SH3PXD2A: variants seen among roughly 807,000 people sequenced by gnomAD.
SH3PXD2A encodes the protein SH3 and PX domain-containing protein 2A.
A neutral mutation model predicts 115.2 loss-of-function variants in SH3PXD2A; 32 were observed. The observed-to-expected ratio is 0.28, with a 90% CI of 0.21 to 0.37. The LOEUF (loss-of-function observed/expected upper bound fraction) is 0.37, where lower values mean the gene tolerates loss of function less well. Ranked by LOEUF, SH3PXD2A falls within the 10% of genes least tolerant of loss-of-function variation. The pLI is 1.00. For missense variants in SH3PXD2A, 1,328 were observed against 1,498.7 expected, an observed-to-expected ratio of 0.89 and a Z score of 1.88; for synonymous variants, 610 against 629.1, an observed-to-expected ratio of 0.97 and a Z score of 0.45.
intron 3 of SH3PXD2A, among the ~76,000 whole-genome samples, chr10:103,757,861 G>A (rs1008147642): frequency 3.3e-5 from 5 of 152,212 alleles, no homozygotes; most frequent in South Asian, 2.1e-4. Context: ...ACTGCAGGAA[G>A]TGAGGCTGTG....
At chr10:103,842,614 C>T (rs1196710451) in intron 1 of SH3PXD2A, among the ~76,000 whole-genome samples, 1 of 152,228 alleles carries the variant, frequency 6.6e-6, no homozygotes, top group Non-Finnish European at 1.5e-5. Context: ...CTCTTTTTAG[C>T]TCTCACCTAT....
At chr10:103,787,240 T>C (rs1476622489) in intron 2 of SH3PXD2A, among the ~76,000 whole-genome samples, 1 of 152,200 alleles carries the variant, frequency 6.6e-6, no homozygotes, top group Admixed American at 6.5e-5. Context: ...CACAGGCCCA[T>C]GGCTCCAGCC....
chr10:103,819,779 G>A (rs1467485206), intron 1 of SH3PXD2A, among the ~76,000 whole-genome samples: 1 of 152,072 alleles, frequency 6.6e-6, no homozygotes, highest in African/African-American at 2.4e-5. Context: ...GGACGATGAA[G>A]CAGGCTTGGC....
chr10:103,728,127 G>GCCTCAGAGCCTCAGGA (rs921468279), intron 4 of SH3PXD2A, among the ~76,000 whole-genome samples: 1 of 152,230 alleles, frequency 6.6e-6, no homozygotes, highest in African/African-American at 2.4e-5. Flanking sequence ...GAGCCTCAGG[G>GCCTCAGAGCCTCAGGA]CCTCAGAGCC....
chr10:103,614,046 C>T (rs2133933356), intron 11 of SH3PXD2A, among the ~76,000 whole-genome samples: 1 of 152,104 alleles, frequency 6.6e-6, no homozygotes, highest in East Asian at 1.9e-4. Context: ...CGTTTAAGGC[C>T]AGCCTGGGCT....
chr10:103,672,698 C>G (rs918507717), intron 6 of SH3PXD2A, among the ~76,000 whole-genome samples: 3 of 152,220 alleles, frequency 2.0e-5, no homozygotes, highest in Admixed American at 6.5e-5. Flanking sequence ...ACCTGCCCTG[C>G]CTTCTTTGCA....
At chr10:103,770,906 C>T (rs569524723) in intron 2 of SH3PXD2A, among the ~76,000 whole-genome samples, 1 of 152,320 alleles carries the variant, frequency 6.6e-6, no homozygotes, top group Admixed American at 6.5e-5. Context: ...AATAACAATG[C>T]ATTTCTTTTT....
chr10:103,772,091 G>A (rs1021941021), intron 2 of SH3PXD2A, among the ~76,000 whole-genome samples: 3 of 152,234 alleles, frequency 2.0e-5, no homozygotes. Flanking sequence ...TCTGGGCTCA[G>A]ACTCCAGAGC....
intron 5 of SH3PXD2A, among the ~76,000 whole-genome samples, chr10:103,697,488 C>A (rs2037838639): frequency 6.6e-6 from 1 of 152,164 alleles, no homozygotes; most frequent in African/African-American, 2.4e-5. Context: ...TCCAGCCCCA[C>A]TTTCAGAGTT....
intron 2 of SH3PXD2A, among the ~76,000 whole-genome samples, chr10:103,771,159 G>A (rs746227797): frequency 2.0e-5 from 3 of 152,156 alleles, no homozygotes; most frequent in Admixed American, 6.5e-5. Context: ...AAGGTGACCC[G>A]CTATTCCACC....
At chr10:103,676,162 T>C (rs1358556095) in intron 6 of SH3PXD2A, among the ~76,000 whole-genome samples, 2 of 152,134 alleles carry the variant, frequency 1.3e-5, no homozygotes, top group African/African-American at 4.8e-5. Context: ...TCATGGGGGA[T>C]GTCATTTTCT....
At chr10:103,781,717 T>C (rs1176057276) in intron 2 of SH3PXD2A, among the ~76,000 whole-genome samples, 1 of 152,160 alleles carries the variant, frequency 6.6e-6, no homozygotes, top group Non-Finnish European at 1.5e-5. Flanking sequence ...CCCACAGCTG[T>C]ATCTATCAAA....
At chr10:103,655,907 C>T (rs1284905033) in intron 8 of SH3PXD2A, among the ~76,000 whole-genome samples, 1 of 150,930 alleles carries the variant, frequency 6.6e-6, no homozygotes, top group Non-Finnish European at 1.5e-5. Context: ...GATGTATACA[C>T]AATTAGCACA....
At position 103,596,989 on chromosome 10, in the gene SH3PXD2A, A is replaced by G. The variant is rs2036145987; in HGVS notation, c.*4827T>C. On this transcript the variant is annotated 3_prime_UTR_variant, in exon 15 of 15. Coordinates refer to ENST00000369774, the MANE Select transcript of SH3PXD2A (RefSeq NM_001394015.1). ...GCTCTGAGGCTCCAACCCAGAGGAA[A>G]CTTCCCATTCTGTTGCTTTCTCTAC... is the stretch of plus-strand genomic sequence containing the variant. 1 of 152,596 alleles carries G rather than the reference A, an allele frequency of 6.6e-6. No individual in the cohort carries two copies. The highest frequency in any genetic ancestry group is 1.5e-5 in the Non-Finnish European group (1 of 68,048). 9.5% of individuals were successfully genotyped at this position (152,596 alleles called of 1,614,324 possible).
At chr10:103,650,314 G>A (rs929742198) in intron 8 of SH3PXD2A, among the ~76,000 whole-genome samples, 11 of 152,198 alleles carry the variant, frequency 7.2e-5, no homozygotes, top group Non-Finnish European at 1.5e-4. Context: ...CCACAGATGT[G>A]CCACAGCCCT....
rs984514262 is a variant in SH3PXD2A, at chr10:103,613,167, G to A, written c.944C>T (p.Ala315Val). ...GGCCTTCTTCAGGTAGGATGCTGGC[G>A]CCCAGCCCTCTTTGCCCAGGTATCT... ...YIRYLGKEGWAPASYLKKAKD... is the reference protein window; with the variant it reads ...YIRYLGKEGWVPASYLKKAKD... Residue 315 changes from alanine (A) to valine (V), a missense_variant, in exon 12 of 15, where the codon GCG (alanine) becomes GTG (valine). Coordinates refer to ENST00000369774, the MANE Select transcript of SH3PXD2A (RefSeq NM_001394015.1). 1.2e-6 allele frequency: 2 copies of A among 1,604,936 alleles called. No individual in the cohort carries two copies. Among genetic ancestry groups the A allele is most frequent in the South Asian group, 1.1e-5 (1 of 89,358 alleles).
At chr10:103,836,682 T>TAC (rs55855121) in intron 1 of SH3PXD2A, among the ~76,000 whole-genome samples, 10,956 of 148,788 alleles carry the variant, frequency 0.074, 1,195 homozygotes, top group African/African-American at 0.24. Flanking sequence ...CACAGACATG[T>TAC]ACACACACAC....
At chr10:103,777,898 G>T (rs367975470) in intron 2 of SH3PXD2A, among the ~76,000 whole-genome samples, 3 of 152,162 alleles carry the variant, frequency 2.0e-5, no homozygotes, top group South Asian at 4.1e-4. Context: ...CGTGTTGTGA[G>T]GATCCAAGGA....
intron 3 of SH3PXD2A, among the ~76,000 whole-genome samples, chr10:103,737,089 T>C (rs1357330457): frequency 6.6e-6 from 1 of 152,204 alleles, no homozygotes; most frequent in Non-Finnish European, 1.5e-5. Flanking sequence ...GAAGGGTGGC[T>C]AGCACAAGAC....
Sources: allele counts gnomAD v4.1 joint callset (sites outside exome capture counted in the v4.1 genomes callset), GRCh38; gene constraint gnomAD v4.1.1; transcripts MANE v1.5; gene names NCBI Gene and HGNC (gene_info 2026-07-23, HGNC 2026-07-21).